The following SNTA1 variants were observed in gnomAD, a reference collection of about 807,000 sequenced individuals.
SNTA1 encodes the protein alpha-1-syntrophin.
A neutral mutation model predicts 47.1 loss-of-function variants in SNTA1; 31 were observed. The observed-to-expected ratio is 0.66, with a 90% CI of 0.49 to 0.89. The LOEUF is 0.89. Among genes scored for constraint, SNTA1 ranks in the 40% least tolerant of loss-of-function variants. SNTA1 has a pLI of 0.00. For missense variants in SNTA1, 575 were observed against 693.0 expected (o/e 0.83, Z 1.91); for synonymous variants, 300 against 313.6 (o/e 0.96, Z 0.46).
At chr20:33,419,204 G>T (rs1600846134) in intron 2 of SNTA1, among the ~76,000 whole-genome samples, 1 of 152,160 alleles carries the variant, frequency 6.6e-6, no homozygotes, top group East Asian at 1.9e-4. Flanking sequence ...CCCGTGGGCA[G>T]CCTCTCTTCC....
At chr20:33,426,451 CAA>C (rs768700017) in intron 2 of SNTA1, among the ~76,000 whole-genome samples, 91 of 78,164 alleles carry the variant, frequency 1.2e-3, no homozygotes, top group Admixed American at 1.8e-3. Flanking sequence ...ACTCCTTCTC[CAA>C]AAAAAAAAAA....
At chr20:33,414,005 A>T (rs1805045748) in intron 3 of SNTA1, among the ~76,000 whole-genome samples, 1 of 150,682 alleles carries the variant, frequency 6.6e-6, no homozygotes, top group African/African-American at 2.4e-5. Flanking sequence ...TTGGGAAGCC[A>T]AAGCGGGTGG....
chr20:33,424,873 T>C (rs1008973497), intron 2 of SNTA1, among the ~76,000 whole-genome samples: 3 of 150,688 alleles, frequency 2.0e-5, no homozygotes, highest in African/African-American at 7.3e-5. Context: ...TCCCAGCACT[T>C]TGGGGGGCCG....
chr20:33,429,420 G>A (rs1220485126), intron 2 of SNTA1, among the ~76,000 whole-genome samples: 1 of 149,774 alleles, frequency 6.7e-6, no homozygotes, highest in Non-Finnish European at 1.5e-5. Flanking sequence ...GGGAGTCCGA[G>A]GCAGGTGGAT....
chr20:33,440,061 G>A (rs1337860486), intron 1 of SNTA1, among the ~76,000 whole-genome samples: 1 of 151,750 alleles, frequency 6.6e-6, no homozygotes, highest in Non-Finnish European at 1.5e-5. Context: ...GGAGGCGGAG[G>A]TTGCAGTGAG....
intron 2 of SNTA1, among the ~76,000 whole-genome samples, chr20:33,430,981 G>A (rs1466023800): frequency 6.6e-6 from 1 of 152,112 alleles, no homozygotes; most frequent in Non-Finnish European, 1.5e-5. Context: ...TTTTCAGCCA[G>A]GCACACTGGC....
intron 2 of SNTA1, among the ~76,000 whole-genome samples, chr20:33,423,758 G>A (rs1013539487): frequency 2.0e-5 from 3 of 152,124 alleles, no homozygotes; most frequent in Non-Finnish European, 4.4e-5. Flanking sequence ...CATCTGTTTG[G>A]GCAACAGGAT....
intron 2 of SNTA1, among the ~76,000 whole-genome samples, chr20:33,423,415 C>A (rs1017974979): frequency 2.0e-5 from 3 of 152,216 alleles, no homozygotes; most frequent in African/African-American, 7.2e-5. Flanking sequence ...GAGGGCACGA[C>A]CACAGCCCTG....
Position 33,443,400 on chromosome 20 carries a change from G to T in SNTA1, c.221C>A (p.Pro74His). The T allele has an allele frequency of 7.4e-7, 1 of 1,359,312 alleles. No homozygotes were observed. Among genetic ancestry groups the T allele is most frequent in the Non-Finnish European group, 9.4e-7 (1 of 1,063,282 alleles). The allele number at this position is 1,359,312 out of a possible 1,614,324, so 84.2% of individuals were successfully genotyped here. A position where few individuals can be genotyped will look rare whatever the true frequency, so the allele number is the denominator to read the frequency against. ...LNGAAEPGAGPPQLPEALLLQ... is the reference protein window; with the variant it reads ...LNGAAEPGAGHPQLPEALLLQ... ...CAGTAGCGCCTCTGGCAGCTGCGGGGGCCCGGCGCCCGGCTCCGCGGCGCC... is the reference window on the plus strand; with the variant it reads ...CAGTAGCGCCTCTGGCAGCTGCGGGTGCCCGGCGCCCGGCTCCGCGGCGCC... Residue 74 changes from proline (P) to histidine (H), a missense_variant, in exon 1 of 8, where the codon CCC becomes CAC. Coordinates refer to ENST00000217381, the MANE Select transcript of SNTA1 (RefSeq NM_003098.3).
intron 2 of SNTA1, among the ~76,000 whole-genome samples, chr20:33,437,117 G>C (rs1018323510): frequency 6.6e-6 from 1 of 151,764 alleles, no homozygotes; most frequent in African/African-American, 2.4e-5. Flanking sequence ...AAAAAAATTA[G>C]CCGGGCATGG....
chr20:33,413,045 C>G (rs1005889667), intron 3 of SNTA1, among the ~76,000 whole-genome samples: 4 of 152,192 alleles, frequency 2.6e-5, no homozygotes, highest in African/African-American at 9.6e-5. Flanking sequence ...GAGCCTCGCT[C>G]TGTCACCCAG....
chr20:33,438,783 G>A (rs1990504977), intron 2 of SNTA1, 58 bp downstream of exon 2: 3 of 1,415,970 alleles, frequency 2.1e-6, no homozygotes, highest in Admixed American at 3.3e-5. Context: ...GGGGGAGGTA[G>A]AGAAGCAGTG....
At chr20:33,424,083 G>A (rs1990101310) in intron 2 of SNTA1, among the ~76,000 whole-genome samples, 1 of 152,026 alleles carries the variant, frequency 6.6e-6, no homozygotes. Flanking sequence ...GGGAGGCCGA[G>A]GCGAGTGGAT....
At chr20:33,439,984 G>A (rs1185473641) in intron 1 of SNTA1, among the ~76,000 whole-genome samples, 2 of 152,062 alleles carry the variant, frequency 1.3e-5, no homozygotes, top group East Asian at 3.9e-4. Flanking sequence ...AATTAACTGG[G>A]CGTGGTAGCG....
chr20:33,443,142 C>T (rs1990620011), intron 1 of SNTA1, among the ~76,000 whole-genome samples, 169 bp downstream of exon 1: 1 of 151,904 alleles, frequency 6.6e-6, no homozygotes, highest in African/African-American at 2.4e-5. Flanking sequence ...CTACTGAAAC[C>T]CCCTCCAACC....
intron 2 of SNTA1, among the ~76,000 whole-genome samples, chr20:33,436,573 G>A (rs1293776858): frequency 6.6e-6 from 1 of 151,946 alleles, no homozygotes; most frequent in Non-Finnish European, 1.5e-5. Flanking sequence ...TGGGCACTGT[G>A]GCCTGCAATC....
At chr20:33,425,575 T>A (rs1400509679) in intron 2 of SNTA1, among the ~76,000 whole-genome samples, 4 of 152,008 alleles carry the variant, frequency 2.6e-5, no homozygotes, top group Non-Finnish European at 5.9e-5. Context: ...GATGGGAGAA[T>A]TACTTGAGCC....
At position 33,412,419 on chromosome 20, in the gene SNTA1, C is replaced by A. The variant is rs1353217013; in HGVS notation, c.917G>T (p.Ser306Ile). The A allele has an allele frequency of 6.2e-7, 1 of 1,610,866 alleles. No individual in the cohort carries two copies. The highest frequency in any genetic ancestry group is 1.1e-5 in the South Asian group (1 of 90,556). Residue 306 changes from serine (S) to isoleucine (I), a missense_variant, in exon 5 of 8, where the codon AGT (serine) becomes ATT (isoleucine). Physicochemically the swap from Ser to Ile is moderately radical, Grantham distance 142. Coordinates refer to ENST00000217381, the MANE Select transcript of SNTA1 (RefSeq NM_003098.3). ...QIGWLTEQLPSGGTAPTLALL... is the reference protein window; with the variant it reads ...QIGWLTEQLPIGGTAPTLALL... ...GGCCAGGGTGGGGGCTGTGCCCCCA[C>A]TGGGCAGCTGCAGAGAACAAAACAG...
intron 2 of SNTA1, among the ~76,000 whole-genome samples, chr20:33,434,279 C>G (rs1990380157): frequency 6.6e-6 from 1 of 152,174 alleles, no homozygotes; most frequent in Non-Finnish European, 1.5e-5. Flanking sequence ...CTTCAGACCT[C>G]TCTGATCACT....
Sources: gnomAD v4.1 joint callset for allele counts (sites outside exome capture counted in the v4.1 genomes callset) on GRCh38, gnomAD v4.1.1 for gene constraint, MANE v1.5 for transcripts, NCBI Gene and HGNC (gene_info 2026-07-23, HGNC 2026-07-21) for gene names.